Variants in DMBT1 observed in about 807,000 individuals in gnomAD.
DMBT1 encodes the protein scavenger receptor cysteine-rich domain-containing protein DMBT1.
Under a neutral mutation model 252.9 loss-of-function variants are expected in DMBT1, and 198 were observed. That is an observed-to-expected ratio of 0.78 (90% CI 0.70 to 0.88). The LOEUF is 0.88. Among genes scored for constraint, DMBT1 ranks in the 40% least tolerant of loss-of-function variants. The pLI, the probability that DMBT1 is intolerant of heterozygous loss-of-function variation, is 0.00. For synonymous variants in DMBT1, 990 were observed against 942.7 expected (o/e 1.05, Z -0.92); for missense variants, 2,432 against 2,404.7 (o/e 1.01, Z -0.24).
chr10:122,631,830 T>G (rs202020759), intron 49 of DMBT1, 25 bp from the exon 50 acceptor site: 7 of 1,613,766 alleles, frequency 4.3e-6, no homozygotes, highest in Non-Finnish European at 5.9e-6. Context: ...CTGTGACCTA[T>G]GCTTTTTTTC....
At chr10:122,642,174 T>A (rs1844663030) in intron 55 of DMBT1, among the ~76,000 whole-genome samples, 1 of 97,288 alleles carries the variant, frequency 1.0e-5, no homozygotes, top group African/African-American at 7.5e-5. Context: ...GGAGCTACTG[T>A]GAAAAAAAAA....
intron 9 of DMBT1, 115 bp from the exon 10 acceptor site, chr10:122,579,463 G>C (rs2097745710): frequency 1.3e-6 from 2 of 1,573,142 alleles, no homozygotes; most frequent in African/African-American, 2.7e-5. Context: ...ATATGCAAAG[G>C]TGACTGCCTG....
intron 55 of DMBT1, among the ~76,000 whole-genome samples, chr10:122,641,678 T>G (rs117014251): frequency 6.6e-6 from 1 of 152,282 alleles, no homozygotes; most frequent in Non-Finnish European, 1.5e-5. Flanking sequence ...TTAATGAAAA[T>G]GAGTGGGTGA....
chr10:122,570,565 A>G (rs1321728382), intron 3 of DMBT1, among the ~76,000 whole-genome samples: 1 of 152,238 alleles, frequency 6.6e-6, no homozygotes, highest in Non-Finnish European at 1.5e-5. Context: ...TGTTTTAGCT[A>G]TAGAAACAGC....
intron 8 of DMBT1, among the ~76,000 whole-genome samples, chr10:122,578,426 T>A (rs1291239396): frequency 6.6e-6 from 1 of 152,178 alleles, no homozygotes; most frequent in African/African-American, 2.4e-5. Context: ...TGGTGTCAGA[T>A]GAGCCAGTCA....
intron 4 of DMBT1, among the ~76,000 whole-genome samples, chr10:122,571,189 G>A (rs1426321806): frequency 1.3e-5 from 2 of 152,184 alleles, no homozygotes; most frequent in Non-Finnish European, 2.9e-5. Flanking sequence ...CTGAATTGGT[G>A]TTTGGAGGGT....
chr10:122,600,075 C>T lies in DMBT1; in HGVS notation c.3292C>T (p.Arg1098Trp), dbSNP rs377588744. The change falls in exon 27 of 56, where the codon CGG becomes TGG. Residue 1098 changes from arginine (R) to tryptophan (W), a missense_variant. By Grantham distance (101) the Arg-to-Trp change is moderately radical. Coordinates refer to ENST00000338354, the MANE Select transcript of DMBT1 (RefSeq NM_001377530.1). Reference sequence around the variant, plus strand: ...TCTCTTTCTCACAGCTTCCCAGTCCCGGCCAACACCTAGTCCAGGTGGGTC... The same window carrying T: ...TCTCTTTCTCACAGCTTCCCAGTCCTGGCCAACACCTAGTCCAGGTGGGTC... The part of the protein sequence containing the change: ...AGVICSASQS[R>W]PTPSPDTWPT... 39 of 1,607,172 alleles carry T rather than the reference C, an allele frequency of 2.4e-5. 4 individuals are homozygous for T. The highest frequency in any genetic ancestry group is 1.4e-4 in the African/African-American group (10 of 73,092).
Position 122,576,722 on chromosome 10 carries a change from G to C in DMBT1, c.607G>C (p.Ala203Pro). The C allele has an allele frequency of 6.2e-7, 1 of 1,613,804 alleles. No homozygotes were observed. Among genetic ancestry groups the C allele is most frequent in the Non-Finnish European group, 8.5e-7 (1 of 1,179,718 alleles). Residue 203 changes from alanine to proline, a missense_variant and splice_region_variant, in exon 7 of 56, where the codon GCT becomes CCT. This residue lies in a region of DMBT1 where 1,264 missense variants were observed against 1,082.2 expected (regional missense o/e 1.17). Transcript: ENST00000338354. ...HGEDAGVICS[A>P]AQPQSTLRPE... is the part of the protein sequence containing the mutation. ...TGAAGATGCTGGTGTTATCTGCTCA[G>C]GTAGGCATCCAGATCTCTGGAGGGT...
At chr10:122,575,553 C>T (rs80084453) in intron 6 of DMBT1, among the ~76,000 whole-genome samples, 41 of 152,186 alleles carry the variant, frequency 2.7e-4, no homozygotes, top group Middle Eastern at 3.4e-3. Context: ...TGTTTTTCAT[C>T]TTCTACAATT....
rs546531968 is a variant in DMBT1 at position 122,586,152 on chromosome 10, G to A, written c.1552G>A (p.Val518Met). The A allele has an allele frequency of 7.3e-5, 116 of 1,589,276 alleles. 16 individuals carry two copies. In the South Asian group the frequency reaches 7.4e-4, roughly 10 times the overall value. Residue 518 changes from valine (V) to methionine (M), a missense_variant, in exon 16 of 56, where the codon GTG becomes ATG. This residue lies in a region of DMBT1 where 1,264 missense variants were observed against 1,082.2 expected (regional missense o/e 1.17). Transcript: ENST00000338354. ...CCTATACCGAGGCTCCTGGGGCACCGTGTGTGATGACAGCTGGGACACCAA... is the reference window on the plus strand; with the variant it reads ...CCTATACCGAGGCTCCTGGGGCACCATGTGTGATGACAGCTGGGACACCAA... ...EVLYRGSWGT[V>M]CDDSWDTNDA...
chr10:122,643,022 G>A (rs981669350), intron 55 of DMBT1, 100 bp from the exon 56 acceptor site: 3 of 1,471,782 alleles, frequency 2.0e-6, no homozygotes, highest in East Asian at 2.3e-5. Flanking sequence ...GGAGGCAGGG[G>A]CAGTGAGGAC....
In DMBT1 at chr10:122,579,819, G is replaced by A. The variant is rs1367249358; in HGVS notation, c.921G>A (p.Glu307=). The A allele has an allele frequency of 1.2e-6, 2 of 1,613,498 alleles. No homozygotes were observed. Among genetic ancestry groups the A allele is most frequent in the African/African-American group, 1.3e-5 (1 of 74,900 alleles). The part of the protein sequence containing the change: ...VLDDVRCSGH[E]SYLWSCPHNG... ...ATGATGTGCGCTGCTCAGGACATGAGTCCTACCTGTGGAGCTGCCCCCACA... is the reference window on the plus strand; with the variant it reads ...ATGATGTGCGCTGCTCAGGACATGAATCCTACCTGTGGAGCTGCCCCCACA... Residue 307 remains glutamate, a synonymous_variant, in exon 10 of 56, where the codon GAG becomes GAA. Transcript: ENST00000338354.
At position 122,579,869 on chromosome 10, in the gene DMBT1, G is replaced by T. The variant is rs766386496; in HGVS notation, c.971G>T (p.Gly324Val). Residue 324 changes from glycine (G) to valine (V), a missense_variant, in exon 10 of 56, where the codon GGC becomes GTC. Physicochemically the swap from Gly to Val is moderately radical, Grantham distance 109. Around this residue, in one of 3 missense-constraint regions of DMBT1, gnomAD observed 1,264 missense variants for 1,082.2 expected, o/e 1.17. Transcript: ENST00000338354. ...AATGGCTGGCTCACCCACAACTGTG[G>T]CCATAGTGAAGACGCTGGTGTCATC... is the stretch of plus-strand genomic sequence containing the variant. ...PHNGWLTHNC[G>V]HSEDAGVICS... The T allele has an allele frequency of 4.3e-6, 7 of 1,613,842 alleles. No homozygotes were observed. The South Asian group carries it at 7.7e-5, about 18-fold the overall frequency.
In DMBT1 at chr10:122,571,273, G is replaced by C. The variant is rs1329054284; in HGVS notation, c.187+336G>C. Among the ~76,000 whole-genome samples, 9 of 152,332 alleles carry C rather than the reference G, an allele frequency of 5.9e-5. No homozygotes were observed. In the East Asian group the frequency reaches 1.7e-3, roughly 29 times the overall value. On this transcript the variant is annotated intron_variant, in intron 4 of 55. Transcript: ENST00000338354. ...TCCTGTCCTTCTGAAGCTGGACGTG[G>C]TGGAGGCAGGCTTCAGTCTCAGCCC...
intron 1 of DMBT1, among the ~76,000 whole-genome samples, chr10:122,565,321 T>A (rs534518856): frequency 7.5e-4 from 114 of 152,312 alleles, no homozygotes; most frequent in Non-Finnish European, 1.3e-3. Context: ...TCCTTTTTTT[T>A]AAATGAATAA....
intron 17 of DMBT1, among the ~76,000 whole-genome samples, 164 bp downstream of exon 17, chr10:122,589,431 C>A (rs182880219): frequency 6.7e-6 from 1 of 148,304 alleles, no homozygotes; most frequent in Non-Finnish European, 1.5e-5. Context: ...CACCACAGTG[C>A]CAGGTTTTGA....
chr10:122,573,720 C>T lies in DMBT1; in HGVS notation c.241C>T (p.Leu81=). 1.2e-6 allele frequency: 2 copies of T among 1,613,946 alleles called. No individual in the cohort carries two copies. Among genetic ancestry groups the T allele is most frequent in the East Asian group, 4.5e-5 (2 of 44,860 alleles). Residue 81 remains leucine (L), a synonymous_variant, in exon 6 of 56, where the codon CTG becomes TTG. Transcript: ENST00000338354. The part of the protein sequence containing the change: ...TLESTVAEGS[L]IPSESTLEST... Reference sequence around the variant, plus strand: ...TTCCTTTCTCCACCCTGCAGGTTCTCTGATTCCCTCAGAGTCAACCCTGGA... The same window carrying T: ...TTCCTTTCTCCACCCTGCAGGTTCTTTGATTCCCTCAGAGTCAACCCTGGA...
intron 1 of DMBT1, among the ~76,000 whole-genome samples, chr10:122,562,441 G>T (rs1227816275): frequency 1.3e-5 from 2 of 152,166 alleles, no homozygotes; most frequent in Non-Finnish European, 1.5e-5. Flanking sequence ...TGTGTGGAGG[G>T]ACTGGGGGCC....
chr10:122,600,996 T>A lies in DMBT1; in HGVS notation c.3316T>A (p.Trp1106Arg). The change falls in exon 28 of 56, where the codon TGG (tryptophan) becomes AGG (arginine). Residue 1106 changes from tryptophan (W) to arginine (R), a missense_variant. By Grantham distance (101) the Trp-to-Arg change is moderately radical. Transcript: ENST00000338354. ...QSRPTPSPDT[W>R]PTSHASTAGS... ...TCCTTTGTTGCAATTTACAGACACT[T>A]GGCCAACCTCACATGCATCAACAGC... 1.0e-6 allele frequency: 1 copy of A among 952,866 alleles called. No homozygotes were observed. Among genetic ancestry groups the A allele is most frequent in the South Asian group, 1.4e-5 (1 of 73,598 alleles). The allele number at this position is 952,866 out of a possible 1,614,324, so 59.0% of individuals were successfully genotyped here.
Sources: allele counts gnomAD v4.1 joint callset (sites outside exome capture counted in the v4.1 genomes callset), GRCh38; gene constraint gnomAD v4.1.1; regional missense constraint gnomAD v4.1.1; transcripts MANE v1.5; gene names NCBI Gene and HGNC (gene_info 2026-07-23, HGNC 2026-07-21).